Variants in MAP3K13 observed in about 807,000 individuals in gnomAD.
MAP3K13 encodes the protein leucine zipper-bearing kinase.
A neutral mutation model predicts 104.0 loss-of-function variants in MAP3K13; 52 were observed. The ratio of observed to expected loss-of-function variants is 0.50; its 90% CI spans 0.40 to 0.63. The LOEUF is 0.63. Among genes scored for constraint, MAP3K13 ranks in the 20% least tolerant of loss-of-function variants. MAP3K13 has a pLI of 0.00. For synonymous variants in MAP3K13, 394 were observed against 442.2 expected, an observed-to-expected ratio of 0.89 and a Z score of 1.37; for missense variants, 914 against 1,218.5, an observed-to-expected ratio of 0.75 and a Z score of 3.72.
chr3:185,378,004 G>C (rs555044917), intron 1 of MAP3K13, among the ~76,000 whole-genome samples: 83 of 152,236 alleles, frequency 5.5e-4, no homozygotes, highest in African/African-American at 1.6e-3. Flanking sequence ...AAGCTCCTGG[G>C]GTGGGGGGAG....
intron 1 of MAP3K13, among the ~76,000 whole-genome samples, chr3:185,368,385 C>T (rs532589272): frequency 2.6e-5 from 4 of 152,248 alleles, no homozygotes; most frequent in East Asian, 1.9e-4. Flanking sequence ...GAATTGCTCT[C>T]GGTCCAGTCC....
At chr3:185,381,634 T>G (rs958041314) in intron 1 of MAP3K13, among the ~76,000 whole-genome samples, 11 of 152,224 alleles carry the variant, frequency 7.2e-5, no homozygotes, top group African/African-American at 2.4e-4. Context: ...GTGATTTCAC[T>G]GTTTAAAATG....
At position 185,423,789 on chromosome 3, in the gene MAP3K13, C is replaced by T. The variant is rs1335037927; in HGVS notation, c.-85-4708C>T. ...GCCCACGTGTGGCAGCAGGAGTTAC[C>T]CTTGCTGCACACTGCTCCCCCACAT... is the stretch of plus-strand genomic sequence containing the variant. On this transcript the variant is annotated intron_variant, in intron 1 of 13. Coordinates refer to ENST00000265026, the MANE Select transcript of MAP3K13 (RefSeq NM_004721.5). This position sits in a 1 kb window ranked among gnomAD's most constrained non-coding sequence, Gnocchi z 4.1. Among the ~76,000 whole-genome samples, 2 of 152,242 alleles carry T rather than the reference C, an allele frequency of 1.3e-5. No individual in the cohort carries two copies. Among genetic ancestry groups the T allele is most frequent in the Non-Finnish European group, 2.9e-5 (2 of 68,014 alleles).
At chr3:185,452,551 G>A (rs1241210817) in intron 7 of MAP3K13, among the ~76,000 whole-genome samples, 1 of 152,116 alleles carries the variant, frequency 6.6e-6, no homozygotes, top group Non-Finnish European at 1.5e-5. Flanking sequence ...CAAAACTTAT[G>A]GCTTAGAACA....
At chr3:185,448,045 T>G in intron 5 of MAP3K13, 98 bp downstream of exon 5, 2 of 1,283,796 alleles carry the variant, frequency 1.6e-6, no homozygotes, top group Non-Finnish European at 1.1e-6. Flanking sequence ...CAGAATATTC[T>G]TCAGTGTTGC....
In MAP3K13 at chr3:185,466,811, G is replaced by C; in HGVS notation, c.1506-15G>C. 6.2e-7 allele frequency: 1 copy of C among 1,613,896 alleles called. No homozygotes were observed. The highest frequency in any genetic ancestry group is 8.5e-7 in the Non-Finnish European group (1 of 1,179,822). On this transcript the variant is annotated splice_polypyrimidine_tract_variant and intron_variant, in intron 9 of 13. Transcript: ENST00000265026. ...CTGCAATGACTGAGGTGTGGCTTTT[G>C]CCTTTATTCTGCAGGCGTGAGCAAG...
intron 1 of MAP3K13, among the ~76,000 whole-genome samples, chr3:185,411,592 G>A (rs558183202): frequency 6.6e-5 from 10 of 152,128 alleles, no homozygotes; most frequent in Non-Finnish European, 1.5e-4. Context: ...ACAATCATTA[G>A]CATTTCAGAA....
chr3:185,464,511 C>T (rs1378715484), intron 8 of MAP3K13, among the ~76,000 whole-genome samples: 3 of 152,074 alleles, frequency 2.0e-5, no homozygotes, highest in Non-Finnish European at 4.4e-5. Flanking sequence ...CTGGCATTTC[C>T]CCTGCTTGCA....
intron 2 of MAP3K13, among the ~76,000 whole-genome samples, chr3:185,353,375 G>A (rs907782022): frequency 6.6e-6 from 1 of 152,316 alleles, no homozygotes; most frequent in African/African-American, 2.4e-5. Flanking sequence ...GAAGCGAGGG[G>A]CAGAAACAGC....
intron 1 of MAP3K13, among the ~76,000 whole-genome samples, chr3:185,422,831 G>A (rs1371661698): frequency 2.6e-5 from 4 of 152,038 alleles, no homozygotes; most frequent in African/African-American, 4.8e-5. Flanking sequence ...GGAACTGGGC[G>A]GAACAGCAGG....
intron 6 of MAP3K13, 103 bp from the exon 7 acceptor site, chr3:185,451,184 A>G (rs906819422): frequency 9.6e-6 from 7 of 730,284 alleles, no homozygotes; most frequent in African/African-American, 5.3e-5. Context: ...TTACTCAGAT[A>G]TAGCCATTTT....
rs144389636 is a variant in MAP3K13, at chr3:185,397,116, C to A, written c.-85-31381C>A. Among the ~76,000 whole-genome samples, 240 of 151,972 alleles carry A rather than the reference C, an allele frequency of 1.6e-3. 6 individuals are homozygous for A. The Middle Eastern group carries it at 0.017, about 11-fold the overall frequency. On this transcript the variant is annotated intron_variant, in intron 1 of 13. Coordinates refer to ENST00000265026, the MANE Select transcript of MAP3K13 (RefSeq NM_004721.5). ...ATTGAAAGACATAGGAGAGGTCATT[C>A]GGTTCAATCCTCTTTCCCAAAGCAA...
In MAP3K13 at chr3:185,292,886, A is replaced by G. The variant is rs368853041; in HGVS notation, c.-86+7243A>G. 13 of 983,874 alleles carry G rather than the reference A, an allele frequency of 1.3e-5. No individual in the cohort carries two copies. In the East Asian group the frequency reaches 1.0e-3, roughly 77 times the overall value. 60.9% of individuals were successfully genotyped at this position (983,874 alleles called of 1,614,324 possible). On this transcript the variant is annotated intron_variant, in intron 2 of 14. Transcript: ENST00000424227. ...AGTTATGGGAGTTATAGATTATAAC[A>G]TATTAGTGATTTGTGAAACTTTTTT...
intron 2 of MAP3K13, among the ~76,000 whole-genome samples, chr3:185,346,049 C>G (rs1471454014): frequency 6.6e-6 from 1 of 152,178 alleles, no homozygotes; most frequent in Non-Finnish European, 1.5e-5. Flanking sequence ...TCTATTCTAG[C>G]AATTTTCATG....
At chr3:185,422,073 G>A (rs1408323515) in intron 1 of MAP3K13, among the ~76,000 whole-genome samples, 1 of 152,348 alleles carries the variant, frequency 6.6e-6, no homozygotes, top group East Asian at 1.9e-4. Flanking sequence ...TACTCTGAGA[G>A]CAGTCAGTGG....
chr3:185,451,499 T>G, intron 7 of MAP3K13, 104 bp downstream of exon 7: 1 of 727,262 alleles, frequency 1.4e-6, no homozygotes, highest in Non-Finnish European at 2.5e-6. Flanking sequence ...ATAATAGTTA[T>G]ATAACTCCAT....
intron 2 of MAP3K13, among the ~76,000 whole-genome samples, chr3:185,432,289 C>T (rs191707703): frequency 1.6e-4 from 22 of 135,830 alleles, no homozygotes; most frequent in Admixed American, 3.5e-4. Flanking sequence ...CTTCTGGGTT[C>T]GAGCGATTCT....
chr3:185,465,677 T>G, intron 8 of MAP3K13, 70 bp from the exon 9 acceptor site: 2 of 1,013,948 alleles, frequency 2.0e-6, no homozygotes, highest in Non-Finnish European at 3.1e-6. Context: ...ATCCTGTTTC[T>G]TATTTCATCA....
At chr3:185,464,272 A>C (rs1717282030) in intron 8 of MAP3K13, among the ~76,000 whole-genome samples, 1 of 152,170 alleles carries the variant, frequency 6.6e-6, no homozygotes, top group Admixed American at 6.5e-5. Context: ...TGGGTGACAG[A>C]GTGAGATTCT....
Sources: allele counts gnomAD v4.1 joint callset (sites outside exome capture counted in the v4.1 genomes callset), GRCh38; gene constraint gnomAD v4.1.1; non-coding constraint Gnocchi (gnomAD v3.1); transcripts MANE v1.5; gene names NCBI Gene and HGNC (gene_info 2026-07-23, HGNC 2026-07-21).